The following CTIF variants were observed in gnomAD, a reference collection of about 807,000 sequenced individuals.
CTIF encodes CBP80/20-dependent translation initiation factor.
CTIF carries 21 observed loss-of-function variants against 66.0 expected under a neutral mutation model. The ratio of observed to expected loss-of-function variants is 0.32; its 90% CI spans 0.23 to 0.46. CTIF has a LOEUF of 0.46. CTIF is among the 20% of genes least tolerant of loss of function. The probability of loss-of-function intolerance (pLI) is 1.00; values close to 1 mark genes in which losing one functional copy is unlikely to be tolerated. For missense variants in CTIF, 739 were observed against 812.7 expected, an observed-to-expected ratio of 0.91 and a Z score of 1.10; for synonymous variants, 345 against 326.4, an observed-to-expected ratio of 1.06 and a Z score of -0.62.
intron 10 of CTIF, among the ~76,000 whole-genome samples, chr18:48,855,587 G>A (rs1350813433): frequency 6.6e-6 from 1 of 152,222 alleles, no homozygotes. Context: ...TCTCCTAAGC[G>A]GGACAGTAGC....
At chr18:48,553,557 C>T (rs756131108) in intron 1 of CTIF, among the ~76,000 whole-genome samples, 4 of 152,134 alleles carry the variant, frequency 2.6e-5, no homozygotes, top group Admixed American at 6.5e-5. Context: ...ACGAGGCGTT[C>T]GTGATTTTAC....
intron 1 of CTIF, among the ~76,000 whole-genome samples, chr18:48,614,075 G>A (rs2090355872): frequency 6.6e-6 from 1 of 152,056 alleles, no homozygotes; most frequent in South Asian, 2.1e-4. Flanking sequence ...TTCTGCCTCT[G>A]GTTCCATCCT....
At chr18:48,841,296 T>C (rs2068935774) in intron 10 of CTIF, among the ~76,000 whole-genome samples, 1 of 152,172 alleles carries the variant, frequency 6.6e-6, no homozygotes, top group Non-Finnish European at 1.5e-5. Context: ...CCCTGGGCTC[T>C]GGGCATGGGG....
intron 3 of CTIF, among the ~76,000 whole-genome samples, chr18:48,663,349 T>A (rs962309952): frequency 1.3e-5 from 2 of 151,986 alleles, no homozygotes; most frequent in African/African-American, 4.8e-5. Flanking sequence ...AGGACTGAAC[T>A]GTGAAGGAAG....
chr18:48,665,296 G>A (rs1164700566), intron 5 of CTIF, among the ~76,000 whole-genome samples: 1 of 152,194 alleles, frequency 6.6e-6, no homozygotes, highest in East Asian at 1.9e-4. Flanking sequence ...CTGGTGTCAT[G>A]CCTGATTTTA....
chr18:48,595,638 G>T (rs1347599754), intron 1 of CTIF, among the ~76,000 whole-genome samples: 1 of 152,136 alleles, frequency 6.6e-6, no homozygotes, highest in Admixed American at 6.5e-5. Context: ...TGTTGCCCAT[G>T]CTGGTCTCGA....
chr18:48,836,149 T>C (rs8099643), intron 10 of CTIF, among the ~76,000 whole-genome samples: 72,002 of 149,220 alleles, frequency 0.48, 20,207 homozygotes, highest in African/African-American at 0.8. Context: ...CCCCAGCAGC[T>C]GCTTCTCTAA....
At chr18:48,721,928 TAGAG>T (rs2092341621) in intron 7 of CTIF, among the ~76,000 whole-genome samples, 1 of 152,206 alleles carries the variant, frequency 6.6e-6, no homozygotes, top group Admixed American at 6.5e-5. Flanking sequence ...TACAATGTAT[TAGAG>T]AGAGTGCGAG....
rs1051127541 is a variant in CTIF, at chr18:48,748,353, G to T, written c.585-9566G>T. On this transcript the variant is annotated intron_variant, in intron 7 of 11. Transcript: ENST00000256413. ...TAAATCTGAGTACCATGGTGACTTG[G>T]GATGAAGGGAGGGAGGGAAGGAGGG... Among the ~76,000 whole-genome samples the T allele has an allele frequency of 3.3e-5, 5 of 152,036 alleles. 1 individual carries two copies. The highest frequency in any genetic ancestry group is 2.0e-4 in the Admixed American group (3 of 15,266).
At chr18:48,648,468 A>AACACACGC (rs2091092736) in intron 3 of CTIF, among the ~76,000 whole-genome samples, 1 of 148,468 alleles carries the variant, frequency 6.7e-6, no homozygotes, top group South Asian at 2.2e-4. Context: ...CTTCGTTCTG[A>AACACACGC]ACACACACAC....
chr18:48,623,417 G>A (rs958269966), intron 2 of CTIF, among the ~76,000 whole-genome samples: 5 of 152,186 alleles, frequency 3.3e-5, no homozygotes, highest in African/African-American at 1.2e-4. Context: ...CTCTGGAAGA[G>A]GGACGGCTGT....
chr18:48,744,575 G>A (rs1261489802), intron 7 of CTIF, among the ~76,000 whole-genome samples: 1 of 152,158 alleles, frequency 6.6e-6, no homozygotes, highest in Non-Finnish European at 1.5e-5. Context: ...TGACCCGTCT[G>A]AAAGTAAGTT....
intron 9 of CTIF, among the ~76,000 whole-genome samples, chr18:48,797,958 C>A (rs1325638482): frequency 6.6e-6 from 1 of 152,168 alleles, no homozygotes; most frequent in Non-Finnish European, 1.5e-5. Flanking sequence ...TGGAGAGAGA[C>A]CCTGCCAGGC....
intron 7 of CTIF, among the ~76,000 whole-genome samples, chr18:48,718,627 C>T (rs545120830): frequency 6.6e-5 from 10 of 152,210 alleles, no homozygotes; most frequent in African/African-American, 1.2e-4. Flanking sequence ...GGGCCCTTGG[C>T]GGATTGGATG....
chr18:48,635,965 G>A (rs576764785), intron 2 of CTIF, among the ~76,000 whole-genome samples: 1 of 152,312 alleles, frequency 6.6e-6, no homozygotes, highest in Admixed American at 6.5e-5. Flanking sequence ...CTCTGGCCCT[G>A]GCCTCACAGA....
Position 48,636,704 on chromosome 18 carries a change from GCT to G in CTIF, c.252+22_252+23del, listed in dbSNP as rs1366200994. 5.7e-6 allele frequency: 9 copies of G among 1,575,278 alleles called. No individual in the cohort carries two copies. The highest frequency in any genetic ancestry group is 5.4e-5 in the African/African-American group (4 of 73,608). On this transcript the variant is annotated intron_variant, in intron 3 of 11. Transcript: ENST00000256413. ...ACAGCAGGTAGGGAACCAGCTCTGC[GCT>G]CTGTCTGGGGGTGTCCTATGTCTTG...
intron 8 of CTIF, 95 bp downstream of exon 8, chr18:48,758,500 G>A: frequency 6.9e-7 from 1 of 1,450,418 alleles, no homozygotes; most frequent in Non-Finnish European, 9.2e-7. Context: ...AGCCTTGTGG[G>A]TTTGAGGGTC....
intron 1 of CTIF, among the ~76,000 whole-genome samples, chr18:48,575,740 T>G (rs2089517076): frequency 6.6e-6 from 1 of 152,220 alleles, no homozygotes; most frequent in Non-Finnish European, 1.5e-5. Flanking sequence ...TGCCTTTTGA[T>G]GAAGGCTGCT....
intron 6 of CTIF, chr18:48,673,713 A>G (rs2091576947): frequency 6.6e-6 from 1 of 152,188 alleles, no homozygotes; most frequent in Non-Finnish European, 1.5e-5. Context: ...GTCGTGTTCT[A>G]GGTCAAGCTT....
Sources: gnomAD v4.1 joint callset for allele counts (sites outside exome capture counted in the v4.1 genomes callset) on GRCh38, gnomAD v4.1.1 for gene constraint, MANE v1.5 for transcripts, NCBI Gene and HGNC (gene_info 2026-07-23, HGNC 2026-07-21) for gene names.